Variants in SCYL2 observed in about 807,000 individuals in gnomAD.
SCYL2 encodes SCY1-like protein 2.
In SCYL2, 36 loss-of-function variants were observed where a neutral mutation model predicts 100.4. The observed-to-expected ratio is 0.36, with a 90% CI of 0.27 to 0.47. The LOEUF (loss-of-function observed/expected upper bound fraction) is 0.47, where lower values mean the gene tolerates loss of function less well. Among genes scored for constraint, SCYL2 ranks in the 20% least tolerant of loss-of-function variants. The pLI, the probability that SCYL2 is intolerant of heterozygous loss-of-function variation, is 1.00. For missense variants in SCYL2, 902 were observed against 1,083.9 expected (o/e 0.83, Z 2.36); for synonymous variants, 330 against 359.2 (o/e 0.92, Z 0.92).
chr12:100,324,994 G>T (rs890802384), intron 11 of SCYL2, among the ~76,000 whole-genome samples: 1 of 152,118 alleles, frequency 6.6e-6, no homozygotes, highest in Non-Finnish European at 1.5e-5. Context: ...ACTTTGGGAG[G>T]CTGAGGCGAG....
intron 10 of SCYL2, among the ~76,000 whole-genome samples, chr12:100,318,923 T>G (rs1232801831): frequency 6.6e-6 from 1 of 152,236 alleles, no homozygotes; most frequent in African/African-American, 2.4e-5. Flanking sequence ...GAGTTCTTTG[T>G]CTGAAAGAAA....
At chr12:100,335,594 ATTG>A (rs1296867854) in intron 14 of SCYL2, 28 bp from the exon 15 acceptor site, 7 of 1,481,560 alleles carry the variant, frequency 4.7e-6, no homozygotes, top group Non-Finnish European at 5.5e-6. Flanking sequence ...ATTTCTTTTT[ATTG>A]TTTTATCATA....
At chr12:100,338,462 A>G in intron 17 of SCYL2, 66 bp from the exon 18 acceptor site, 1 of 1,300,016 alleles carries the variant, frequency 7.7e-7, no homozygotes, top group Non-Finnish European at 1.0e-6. Flanking sequence ...TAATCTGTCA[A>G]ATGTTTACTA....
At chr12:100,337,112 T>C (rs548505870) in intron 16 of SCYL2, among the ~76,000 whole-genome samples, 2 of 152,306 alleles carry the variant, frequency 1.3e-5, no homozygotes, top group African/African-American at 2.4e-5. Context: ...CTAAATCTTA[T>C]TGTCATTGTC....
chr12:100,323,609 A>T lies in SCYL2; in HGVS notation c.1480A>T (p.Asn494Tyr). The T allele has an allele frequency of 6.3e-7, 1 of 1,599,162 alleles. No homozygotes were observed. The highest frequency in any genetic ancestry group is 8.5e-7 in the Non-Finnish European group (1 of 1,171,230). The change falls in exon 11 of 18, where the codon AAT becomes TAT. Residue 494 changes from asparagine (N) to tyrosine (Y), a missense_variant. Physicochemically the swap from Asn to Tyr is moderately radical, Grantham distance 143 (BLOSUM62 -2). Coordinates refer to ENST00000360820, the MANE Select transcript of SCYL2 (RefSeq NM_017988.6). ...AAACGCTTTGATACCAAGAATTAAA[A>T]ATGCTTGTCTACAAACATCTTCCCT... is the stretch of plus-strand genomic sequence containing the variant. ...MKNALIPRIKNACLQTSSLAV... is the reference protein window; with the variant it reads ...MKNALIPRIKYACLQTSSLAV...
At chr12:100,275,384 T>TG (rs1335871774) in intron 1 of SCYL2, among the ~76,000 whole-genome samples, 3 of 152,094 alleles carry the variant, frequency 2.0e-5, no homozygotes, top group Non-Finnish European at 4.4e-5. Context: ...AAAAACTTTT[T>TG]GGAGTCTTGA....
intron 16 of SCYL2, 61 bp downstream of exon 16, chr12:100,335,967 C>T (rs752374228): frequency 4.0e-5 from 50 of 1,239,286 alleles, no homozygotes; most frequent in South Asian, 1.4e-4. Flanking sequence ...TCCTGTAAAC[C>T]ACAGATTTTT....
chr12:100,317,646 CTTGAT>C, intron 9 of SCYL2, 152 bp from the exon 10 acceptor site: 1 of 1,401,580 alleles, frequency 7.1e-7, no homozygotes, highest in South Asian at 1.8e-5. Context: ...ATGTAAGAGA[CTTGAT>C]TTGTGTGTTT....
intron 9 of SCYL2, among the ~76,000 whole-genome samples, chr12:100,317,514 CT>C (rs1242520006): frequency 1.3e-5 from 2 of 152,186 alleles, no homozygotes; most frequent in Admixed American, 6.5e-5. Flanking sequence ...CACCCTGTAG[CT>C]TTCCAGATAG....
chr12:100,270,584 A>C (rs2096286518), intron 1 of SCYL2, among the ~76,000 whole-genome samples: 1 of 150,826 alleles, frequency 6.6e-6, no homozygotes, highest in African/African-American at 2.4e-5. Flanking sequence ...TACTAATTTG[A>C]TATTTAAGCG....
intron 4 of SCYL2, among the ~76,000 whole-genome samples, chr12:100,298,495 A>G (rs1566354182): frequency 6.6e-6 from 1 of 152,242 alleles, no homozygotes; most frequent in Non-Finnish European, 1.5e-5. Flanking sequence ...TTTGATAAAA[A>G]TAAAAATTTT....
chr12:100,293,520 T>G lies in SCYL2; in HGVS notation c.335+1860T>G, dbSNP rs11110331. On this transcript the variant is annotated intron_variant, in intron 3 of 17. Transcript: ENST00000360820. ...TGTTATTTTATGTTGTATTTACATG[T>G]TTTTTTTTTATTTATTTTTTATTTT... is the stretch of plus-strand genomic sequence containing the variant. Among the ~76,000 whole-genome samples the G allele has an allele frequency of 6.0e-3, 833 of 139,512 alleles. 12 individuals are homozygous for G. The highest frequency in any genetic ancestry group is 0.023 in the African/African-American group (780 of 34,032). 91.5% of individuals were successfully genotyped at this position (139,512 alleles called of 152,430 possible). A position where few individuals can be genotyped will look rare whatever the true frequency, so the allele number is the denominator to read the frequency against.
intron 4 of SCYL2, among the ~76,000 whole-genome samples, chr12:100,310,325 A>G (rs948297323): frequency 6.6e-6 from 1 of 152,156 alleles, no homozygotes; most frequent in Non-Finnish European, 1.5e-5. Context: ...AATAGTAGCC[A>G]TCCTCATGGA....
intron 14 of SCYL2, among the ~76,000 whole-genome samples, chr12:100,335,225 T>G (rs573003308): frequency 6.6e-6 from 1 of 152,240 alleles, no homozygotes; most frequent in African/African-American, 2.4e-5. Context: ...TCTTACCTAT[T>G]TCTCAGGACA....
intron 1 of SCYL2, among the ~76,000 whole-genome samples, chr12:100,270,368 T>C (rs1288275135): frequency 4.6e-5 from 7 of 152,180 alleles, no homozygotes; most frequent in African/African-American, 1.7e-4. Context: ...TACTCAGTTA[T>C]TCCTTGTCCC....
chr12:100,285,346 A>C (rs1052122201), intron 2 of SCYL2, among the ~76,000 whole-genome samples: 1 of 152,238 alleles, frequency 6.6e-6, no homozygotes, highest in Non-Finnish European at 1.5e-5. Context: ...GATAAGCTAT[A>C]TCTGTGTTGT....
chr12:100,327,611 T>G (rs1284806563), intron 12 of SCYL2, among the ~76,000 whole-genome samples: 1 of 150,682 alleles, frequency 6.6e-6, no homozygotes, highest in African/African-American at 2.4e-5. Context: ...GCCTCCCGAG[T>G]TCAAGCAATT....
chr12:100,329,769 T>G (rs1952185239), intron 13 of SCYL2, among the ~76,000 whole-genome samples: 1 of 152,190 alleles, frequency 6.6e-6, no homozygotes, highest in Non-Finnish European at 1.5e-5. Flanking sequence ...GTAAAGGACT[T>G]GGGGCTCGTT....
intron 11 of SCYL2, among the ~76,000 whole-genome samples, chr12:100,326,289 A>G (rs757399239): frequency 6.6e-6 from 1 of 152,144 alleles, no homozygotes; most frequent in African/African-American, 2.4e-5. Flanking sequence ...TTATTATTCA[A>G]ATGTCCCCAA....
Sources: allele counts gnomAD v4.1 joint callset (sites outside exome capture counted in the v4.1 genomes callset), GRCh38; gene constraint gnomAD v4.1.1; transcripts MANE v1.5; gene names NCBI Gene and HGNC (gene_info 2026-07-23, HGNC 2026-07-21).